GOLGB1: variants seen among roughly 807,000 people sequenced by gnomAD.
GOLGB1 encodes the protein golgin subfamily B member 1.
GOLGB1 carries 174 observed loss-of-function variants against 336.9 expected under a neutral mutation model. That is an observed-to-expected ratio of 0.52 (90% CI 0.46 to 0.59). The LOEUF is 0.59. Among genes scored for constraint, GOLGB1 ranks in the 20% least tolerant of loss-of-function variants. The probability of loss-of-function intolerance (pLI) is 0.00; values close to 1 mark genes in which losing one functional copy is unlikely to be tolerated. For missense variants in GOLGB1, 3,331 were observed against 3,645.3 expected, an observed-to-expected ratio of 0.91 and a Z score of 2.22; for synonymous variants, 1,208 against 1,289.2, an observed-to-expected ratio of 0.94 and a Z score of 1.35.
At chr3:121,710,170 C>T (rs927056149) in intron 10 of GOLGB1, among the ~76,000 whole-genome samples, 4 of 150,730 alleles carry the variant, frequency 2.7e-5, no homozygotes, top group Non-Finnish European at 5.9e-5. Context: ...TTATCAAAAC[C>T]TTCCTAAAAC....
At chr3:121,664,763 G>C (rs1206463253) in intron 21 of GOLGB1, 149 bp from the exon 22 acceptor site, 1 of 856,768 alleles carries the variant, frequency 1.2e-6, no homozygotes, top group African/African-American at 1.7e-5. Flanking sequence ...TCAACAACTT[G>C]GCAAATTCCA....
chr3:121,729,319 T>C lies in GOLGB1; in HGVS notation c.271A>G (p.Asn91Asp), dbSNP rs571719600. 1 of 1,612,768 alleles carries C rather than the reference T, an allele frequency of 6.2e-7. No individual in the cohort carries two copies. Among genetic ancestry groups the C allele is most frequent in the African/African-American group, 1.3e-5 (1 of 74,964 alleles). ...TGAAGTTTTAGTTTTTTAATTTTGT[T>C]ATCAGCAGCTTTTCTCTCTTCCTGC... is the stretch of plus-strand genomic sequence containing the variant. ...ALQEERKAAD[N>D]KIKKLKLHAK... The change falls in exon 4 of 22, where the codon AAC becomes GAC. Residue 91 changes from asparagine (N) to aspartate (D), a missense_variant. Asn to Asp is a conservative substitution (Grantham distance 23). Transcript: ENST00000614479.
At chr3:121,670,762 G>T (rs547993815) in intron 17 of GOLGB1, among the ~76,000 whole-genome samples, 6 of 149,068 alleles carry the variant, frequency 4.0e-5, no homozygotes, top group Non-Finnish European at 8.9e-5. Flanking sequence ...TTTTGGGGGG[G>T]GGGGTGTGGG....
Position 121,693,982 on chromosome 3 carries a change from G to A in GOLGB1, c.6541C>T (p.Leu2181Phe). 1.2e-6 allele frequency: 2 copies of A among 1,614,164 alleles called. No individual in the cohort carries two copies. Among genetic ancestry groups the A allele is most frequent in the Non-Finnish European group, 1.7e-6 (2 of 1,180,010 alleles). The change falls in exon 13 of 22, where the codon CTT (leucine) becomes TTT (phenylalanine). Residue 2181 changes from leucine (L) to phenylalanine (F), a missense_variant. By Grantham distance (22) the Leu-to-Phe change is conservative. Coordinates refer to ENST00000614479, the MANE Select transcript of GOLGB1 (RefSeq NM_001366282.2). ...ACAGTACTGTCCAAGTTTTCCTGAA[G>A]TTGCTGAACTTCCTTGTCTTTCTTG... ...LNKKDKEVQQ[L>F]QENLDSTVTQ...
Position 121,749,737 on chromosome 3 carries a change from G to A in GOLGB1, c.-108C>T, listed in dbSNP as rs1947631260. 2 of 152,618 alleles carry A rather than the reference G, an allele frequency of 1.3e-5. No homozygotes were observed. Among genetic ancestry groups the A allele is most frequent in the South Asian group, 2.1e-4 (1 of 4,830 alleles). 9.5% of individuals were successfully genotyped at this position (152,618 alleles called of 1,614,324 possible). A position where few individuals can be genotyped will look rare whatever the true frequency, so the allele number is the denominator to read the frequency against. On this transcript the variant is annotated 5_prime_UTR_variant, in exon 1 of 22. Transcript: ENST00000614479. ...CCTTCCACCGCCGCGCCCCGCCAGG[G>A]ACTCAGCCACTAGCAGTTGGGACGG...
chr3:121,701,000 G>C (rs779206146), intron 11 of GOLGB1, among the ~76,000 whole-genome samples: 10 of 152,104 alleles, frequency 6.6e-5, no homozygotes, highest in Non-Finnish European at 1.5e-4. Context: ...ATAGTGCCTG[G>C]CACATAGGAA....
At chr3:121,714,706 C>A (rs1250985640) in intron 10 of GOLGB1, among the ~76,000 whole-genome samples, 155 bp downstream of exon 10, 1 of 152,060 alleles carries the variant, frequency 6.6e-6, no homozygotes, top group Non-Finnish European at 1.5e-5. Context: ...TTCATGATTC[C>A]TTTCAAATAG....
intron 14 of GOLGB1, among the ~76,000 whole-genome samples, chr3:121,686,664 TACACAC>T (rs35557945): frequency 1.1e-4 from 17 of 151,050 alleles, no homozygotes; most frequent in African/African-American, 4.1e-4. Context: ...ATTAAACATA[TACACAC>T]ACACACACAC....
At chr3:121,675,176 G>A (rs139252617) in intron 17 of GOLGB1, among the ~76,000 whole-genome samples, 1,735 of 152,278 alleles carry the variant, frequency 0.011, 38 homozygotes, top group African/African-American at 0.039. Flanking sequence ...AGGAAAAACT[G>A]TTTCTCACTC....
intron 1 of GOLGB1, among the ~76,000 whole-genome samples, chr3:121,732,181 CACACACATATATAT>C (rs891755274): frequency 5.3e-5 from 8 of 152,048 alleles, no homozygotes; most frequent in African/African-American, 1.7e-4. Flanking sequence ...TACAGACACA[CACACACATATATAT>C]ACACACATAT....
chr3:121,729,423 T>C (rs1221481355), intron 3 of GOLGB1, 83 bp from the exon 4 acceptor site: 8 of 1,117,146 alleles, frequency 7.2e-6, no homozygotes, highest in Non-Finnish European at 1.0e-5. Flanking sequence ...TTTATTATTA[T>C]TACTTTCAGA....
intron 4 of GOLGB1, 106 bp from the exon 5 acceptor site, chr3:121,727,147 T>A: frequency 3.3e-6 from 2 of 607,276 alleles, no homozygotes; most frequent in Non-Finnish European, 4.9e-6. Context: ...ATAATTTTAT[T>A]AAACTGATGG....
chr3:121,665,926 C>A (rs1938547725), intron 20 of GOLGB1, among the ~76,000 whole-genome samples: 1 of 152,226 alleles, frequency 6.6e-6, no homozygotes, highest in Non-Finnish European at 1.5e-5. Flanking sequence ...ACTGAGCATG[C>A]ACAGCCTAGC....
At chr3:121,676,791 T>C (rs1460358140) in intron 17 of GOLGB1, 102 bp downstream of exon 17, 2 of 1,002,914 alleles carry the variant, frequency 2.0e-6, no homozygotes, top group Non-Finnish European at 3.1e-6. Context: ...TACCCTAAGA[T>C]ATGCTACAGC....
chr3:121,697,469 T>C lies in GOLGB1; in HGVS notation c.3054A>G (p.Glu1018=), dbSNP rs773505915. ...KELLQRVSRL[E]EELANLKDES... ...CATCTTTCAAGTTGGCTAATTCTTC[T>C]TCCAATCTACTGACTCTTTGCAGAA... Residue 1018 remains glutamate (E), a synonymous_variant, in exon 13 of 22, where the codon GAA becomes GAG. Transcript: ENST00000614479. 1.5e-5 allele frequency: 24 copies of C among 1,611,410 alleles called. No homozygotes were observed. In the East Asian group the frequency reaches 4.7e-4, roughly 31 times the overall value.
At chr3:121,690,545 T>C in intron 14 of GOLGB1, 125 bp downstream of exon 14, 1 of 500,324 alleles carries the variant, frequency 2.0e-6, no homozygotes. Context: ...GTGGGATACA[T>C]AATACTTTCC....
At position 121,691,048 on chromosome 3, in the gene GOLGB1, T is replaced by C. The variant is rs149476860; in HGVS notation, c.8316A>G (p.Glu2772=). Residue 2772 remains glutamate, a synonymous_variant, in exon 14 of 22, where the codon GAA becomes GAG. Transcript: ENST00000614479. ...GTCCCTGTTCTTTCAACTGTGCCAA[T>C]TCCTTCAGACTGGCATCATATTTCC... The part of the protein sequence containing the change: ...LKRKYDASLK[E]LAQLKEQGLL... The C allele has an allele frequency of 2.0e-4, 323 of 1,614,040 alleles. No homozygotes were observed. The African/African-American group carries it at 3.8e-3, about 19-fold the overall frequency.
chr3:121,698,927 G>A lies in GOLGB1; in HGVS notation c.1596C>T (p.Ile532=). The A allele has an allele frequency of 6.6e-7, 1 of 1,511,758 alleles. No homozygotes were observed. Among genetic ancestry groups the A allele is most frequent in the Non-Finnish European group, 8.8e-7 (1 of 1,130,048 alleles). 93.6% of individuals were successfully genotyped at this position (1,511,758 alleles called of 1,614,324 possible). A position where few individuals can be genotyped will look rare whatever the true frequency, so the allele number is the denominator to read the frequency against. Residue 532 remains isoleucine (I), a splice_region_variant and synonymous_variant, in exon 13 of 22, where the codon ATC becomes ATT. Transcript: ENST00000614479. ...TGEADREVSE[I]SIVDIANKRS... is the part of the protein sequence containing the mutation. ...TCTTGTTGGCAATATCAACAATGCT[G>A]ATCTATTTTTAAAAAAGAAAAAAAA... is the stretch of plus-strand genomic sequence containing the variant.
intron 1 of GOLGB1, among the ~76,000 whole-genome samples, chr3:121,737,618 C>T (rs1482559144): frequency 6.6e-6 from 1 of 150,924 alleles, no homozygotes; most frequent in Non-Finnish European, 1.5e-5. Context: ...CACCACTGCA[C>T]TCCAGCCTGG....
Sources: allele counts gnomAD v4.1 joint callset (sites outside exome capture counted in the v4.1 genomes callset), GRCh38; gene constraint gnomAD v4.1.1; transcripts MANE v1.5; gene names NCBI Gene and HGNC (gene_info 2026-07-23, HGNC 2026-07-21).